TRAP1: variants seen among roughly 807,000 people sequenced by gnomAD.
TRAP1 encodes the protein heat shock protein 75 kDa, mitochondrial.
A neutral mutation model predicts 89.1 loss-of-function variants in TRAP1; 102 were observed. That is an observed-to-expected ratio of 1.15 (90% confidence interval 0.98 to 1.35). TRAP1 has a LOEUF of 1.35. Among genes scored for constraint, TRAP1 ranks in the 40% most tolerant of loss-of-function variants. The pLI is 0.00. For synonymous variants in TRAP1, 508 were observed against 388.0 expected, an observed-to-expected ratio of 1.31 and a Z score of -3.64; for missense variants, 1,256 against 945.3, an observed-to-expected ratio of 1.33 and a Z score of -4.31.
rs1440766862 is a variant in TRAP1 at position 3,662,867 on chromosome 16, C to A, written c.1794+15G>T. ...ACTGCGGCCAAGTGGTGGTCCATCCCCGGGAAAGCCTCACCTTCACGTTGG... is the reference window on the plus strand; with the variant it reads ...ACTGCGGCCAAGTGGTGGTCCATCCACGGGAAAGCCTCACCTTCACGTTGG... On this transcript the variant is annotated intron_variant, in intron 15 of 17. Coordinates refer to ENST00000246957, the MANE Select transcript of TRAP1 (RefSeq NM_016292.3). 2 of 1,613,284 alleles carry A rather than the reference C, an allele frequency of 1.2e-6. No individual in the cohort carries two copies. Among genetic ancestry groups the A allele is most frequent in the Admixed American group, 1.7e-5 (1 of 60,008 alleles).
intron 1 of TRAP1, among the ~76,000 whole-genome samples, chr16:3,701,202 AAAG>A (rs2051360291): frequency 1.3e-5 from 2 of 152,244 alleles, no homozygotes; most frequent in Admixed American, 1.3e-4. Context: ...TATTAGGAAA[AAAG>A]AAGGATATTT....
chr16:3,660,080 G>A (rs572386462), intron 16 of TRAP1: 2 of 152,204 alleles, frequency 1.3e-5, no homozygotes, highest in Admixed American at 1.3e-4. Flanking sequence ...CTACGTAGCT[G>A]GAAAAAAAGG....
intron 1 of TRAP1, among the ~76,000 whole-genome samples, chr16:3,713,772 T>C (rs2051562580): frequency 6.6e-6 from 1 of 152,186 alleles, no homozygotes; most frequent in Admixed American, 6.5e-5. Context: ...CCCTCTCCTT[T>C]AGGAGGCGGC....
rs769655554 is a variant in TRAP1, at chr16:3,662,154, G to C, written c.1795-22C>G. The C allele has an allele frequency of 8.8e-6, 14 of 1,596,012 alleles. No homozygotes were observed. The East Asian group carries it at 2.7e-4, about 31-fold the overall frequency. On this transcript the variant is annotated intron_variant, in intron 15 of 17. Coordinates refer to ENST00000246957, the MANE Select transcript of TRAP1 (RefSeq NM_016292.3). Reference sequence around the variant, plus strand: ...TCACCTGTGAGCAAAGCCCGGGGTTGAGGGTGATAGAGGTTCCCAATGTGA... The same window carrying C: ...TCACCTGTGAGCAAAGCCCGGGGTTCAGGGTGATAGAGGTTCCCAATGTGA...
intron 1 of TRAP1, among the ~76,000 whole-genome samples, chr16:3,697,931 G>A (rs1384286043): frequency 6.6e-6 from 1 of 151,404 alleles, no homozygotes; most frequent in Non-Finnish European, 1.5e-5. Context: ...TGGGATTGCA[G>A]GTGTGCACCA....
intron 1 of TRAP1, 87 bp downstream of exon 1, chr16:3,717,334 G>C (rs946014694): frequency 4.2e-6 from 2 of 481,862 alleles, no homozygotes; most frequent in Non-Finnish European, 6.4e-6. Context: ...AGCAGGTGCC[G>C]GCGCCTCGCT....
At chr16:3,675,017 C>T (rs571319891) in intron 8 of TRAP1, 15 of 383,500 alleles carry the variant, frequency 3.9e-5, no homozygotes, top group African/African-American at 8.1e-5. Flanking sequence ...GGAATTGATG[C>T]GGGGTGGCTG....
intron 2 of TRAP1, among the ~76,000 whole-genome samples, chr16:3,690,007 GTTCT>G (rs1308547179): frequency 5.3e-5 from 8 of 151,986 alleles, no homozygotes; most frequent in Admixed American, 2.6e-4. Context: ...CAGATTATAT[GTTCT>G]TTCTTTTTTT....
chr16:3,683,269 G>C (rs1412053252), intron 4 of TRAP1, among the ~76,000 whole-genome samples: 1 of 152,114 alleles, frequency 6.6e-6, no homozygotes, highest in East Asian at 1.9e-4. Flanking sequence ...TGTCATGTGG[G>C]ATGCTGGGAG....
chr16:3,681,479 T>C (rs762850187), intron 4 of TRAP1, among the ~76,000 whole-genome samples: 47 of 152,156 alleles, frequency 3.1e-4, no homozygotes, highest in Non-Finnish European at 5.3e-4. Flanking sequence ...CACACATGTG[T>C]GCATGTTTCA....
At position 3,691,652 on chromosome 16, in the gene TRAP1, C is replaced by G. The variant is rs201177641; in HGVS notation, c.89-667G>C. ...CCCCGATGGGCCACACTTCTTTGCT[C>G]TTGACAGTCAAGCAAAAAAAAAATC... On this transcript the variant is annotated intron_variant, in intron 1 of 17. Transcript: ENST00000246957. 4.1e-4 allele frequency among the ~76,000 whole-genome samples: 62 copies of G among 152,018 alleles called. No individual in the cohort carries two copies. In the East Asian group the frequency reaches 8.7e-3, roughly 21 times the overall value.
At chr16:3,709,944 C>A (rs2051505373) in intron 1 of TRAP1, among the ~76,000 whole-genome samples, 1 of 152,234 alleles carries the variant, frequency 6.6e-6, no homozygotes, top group South Asian at 2.1e-4. Flanking sequence ...GCCACCGCGC[C>A]TGGCGAGAAG....
At chr16:3,686,206 G>C in intron 3 of TRAP1, 70 bp from the exon 4 acceptor site, 1 of 1,535,764 alleles carries the variant, frequency 6.5e-7, no homozygotes, top group Admixed American at 1.7e-5. Context: ...CTGGTCAGCT[G>C]CACTTCCAAT....
intron 1 of TRAP1, among the ~76,000 whole-genome samples, chr16:3,707,341 A>C (rs1347921294): frequency 6.6e-6 from 1 of 150,996 alleles, no homozygotes; most frequent in African/African-American, 2.4e-5. Context: ...GCCCACCACC[A>C]CACCCGGCTA....
At chr16:3,694,447 G>A (rs1482209109) in intron 1 of TRAP1, among the ~76,000 whole-genome samples, 9 of 151,926 alleles carry the variant, frequency 5.9e-5, no homozygotes, top group South Asian at 2.1e-4. Context: ...GGGTTCAGGC[G>A]ATTCTCCTGC....
chr16:3,660,709 TAA>T (rs2151236000), intron 16 of TRAP1: 1 of 152,252 alleles, frequency 6.6e-6, no homozygotes, highest in East Asian at 1.9e-4. Flanking sequence ...AGTATAATTT[TAA>T]AAGTTATGGT....
intron 4 of TRAP1, among the ~76,000 whole-genome samples, 199 bp downstream of exon 4, chr16:3,685,797 T>A (rs910640002): frequency 6.6e-6 from 1 of 152,122 alleles, no homozygotes; most frequent in Admixed American, 6.5e-5. Flanking sequence ...GATTTCAAAT[T>A]TTCTTCTTTT....
intron 1 of TRAP1, 128 bp from the exon 2 acceptor site, chr16:3,691,113 G>T: frequency 1.1e-6 from 1 of 908,882 alleles, no homozygotes; most frequent in Non-Finnish European, 1.5e-6. Flanking sequence ...GTTGCTGAAA[G>T]AGAAATCCAC....
At chr16:3,702,108 G>C (rs1340250428) in intron 1 of TRAP1, among the ~76,000 whole-genome samples, 1 of 151,972 alleles carries the variant, frequency 6.6e-6, no homozygotes, top group Non-Finnish European at 1.5e-5. Flanking sequence ...GGGCGACACA[G>C]TGAGACTCCA....
Sources: allele counts gnomAD v4.1 joint callset (sites outside exome capture counted in the v4.1 genomes callset), GRCh38; gene constraint gnomAD v4.1.1; transcripts MANE v1.5; gene names NCBI Gene and HGNC (gene_info 2026-07-23, HGNC 2026-07-21).